Variants in KIF5B observed in about 807,000 individuals in gnomAD.
KIF5B encodes kinesin family member 5B, also known as kinesin-1 heavy chain.
Under a neutral mutation model 132.8 loss-of-function variants are expected in KIF5B, and 49 were observed. The observed-to-expected ratio is 0.37, with a 90% CI of 0.29 to 0.47. The LOEUF is 0.47. Among genes scored for constraint, KIF5B ranks in the 20% least tolerant of loss-of-function variants. The probability of loss-of-function intolerance (pLI) is 1.00; values close to 1 mark genes in which losing one functional copy is unlikely to be tolerated. For missense variants in KIF5B, 780 were observed against 1,144.0 expected, an observed-to-expected ratio of 0.68 and a Z score of 4.59; for synonymous variants, 355 against 369.4, an observed-to-expected ratio of 0.96 and a Z score of 0.45.
chr10:32,031,397 G>A, intron 13 of KIF5B, 118 bp from the exon 14 acceptor site: 1 of 735,198 alleles, frequency 1.4e-6, no homozygotes, highest in South Asian at 1.7e-5. Flanking sequence ...ATTCAGTGTG[G>A]CAACATTTAT....
intron 24 of KIF5B, among the ~76,000 whole-genome samples, chr10:32,016,493 CA>C (rs201482827): frequency 4.1e-4 from 62 of 151,650 alleles, no homozygotes; most frequent in Non-Finnish European, 7.5e-4. Context: ...AAATAAAACA[CA>C]AAAAAAACAC....
At chr10:32,052,597 T>C (rs1484581502) in intron 1 of KIF5B, among the ~76,000 whole-genome samples, 1 of 152,210 alleles carries the variant, frequency 6.6e-6, no homozygotes, top group Admixed American at 6.5e-5. Flanking sequence ...TTTTTCTTCC[T>C]GGTGTTTTTA....
At chr10:32,044,641 AGTC>A (rs1841586150) in intron 2 of KIF5B, among the ~76,000 whole-genome samples, 1 of 152,112 alleles carries the variant, frequency 6.6e-6, no homozygotes, top group Non-Finnish European at 1.5e-5. Flanking sequence ...GCGCCACTGC[AGTC>A]CAGCCTGGAC....
intron 24 of KIF5B, among the ~76,000 whole-genome samples, chr10:32,016,655 C>G (rs1039107015): frequency 6.6e-6 from 1 of 151,954 alleles, no homozygotes; most frequent in South Asian, 2.1e-4. Context: ...GATTCTCCTG[C>G]CTCAGCCTCC....
chr10:32,028,655 C>T (rs1841362643), intron 14 of KIF5B, 84 bp from the exon 15 acceptor site: 1 of 1,170,074 alleles, frequency 8.5e-7, no homozygotes, highest in Non-Finnish European at 1.2e-6. Context: ...TCAAGTTTTA[C>T]ACCAAGCCCT....
chr10:32,018,828 T>C (rs1841217674), intron 20 of KIF5B, among the ~76,000 whole-genome samples: 1 of 151,888 alleles, frequency 6.6e-6, no homozygotes, highest in Admixed American at 6.6e-5. Context: ...GTCTCCCAAA[T>C]AGCTGGGACT....
At chr10:32,036,854 G>T (rs1841466795) in intron 8 of KIF5B, among the ~76,000 whole-genome samples, 1 of 152,054 alleles carries the variant, frequency 6.6e-6, no homozygotes, top group African/African-American at 2.4e-5. Flanking sequence ...TAATCCAAAG[G>T]AAAGAAATAA....
chr10:32,031,077 TTC>T lies in KIF5B; in HGVS notation c.1575_1576del (p.Lys526IlefsTer10). ...GAAAATAAAACTATATCCTACCGATTTCTGATTCAATTCATCACTAAGCAATT... is the reference window on the plus strand; with the variant it reads ...GAAAATAAAACTATATCCTACCGATTTGATTCAATTCATCACTAAGCAATT... On this transcript the variant is annotated frameshift_variant, in exon 14 of 26. Coordinates refer to ENST00000302418, the MANE Select transcript of KIF5B (RefSeq NM_004521.3). LOFTEE classifies it high-confidence loss of function. 1 of 1,607,234 alleles carries T rather than the reference TTC, an allele frequency of 6.2e-7. No homozygotes were observed. The highest frequency in any genetic ancestry group is 8.5e-7 in the Non-Finnish European group (1 of 1,174,498).
chr10:32,051,542 C>T (rs970759474), intron 1 of KIF5B, among the ~76,000 whole-genome samples: 1 of 152,146 alleles, frequency 6.6e-6, no homozygotes, highest in Non-Finnish European at 1.5e-5. Flanking sequence ...ACCACTACAA[C>T]CTTACTAAAA....
chr10:32,043,734 T>C (rs1423652317), intron 2 of KIF5B, among the ~76,000 whole-genome samples: 4 of 150,950 alleles, frequency 2.6e-5, no homozygotes, highest in Non-Finnish European at 4.5e-5. Flanking sequence ...AATCTACAGA[T>C]AGGGAATGTT....
At chr10:32,045,649 G>A (rs2132612903) in intron 2 of KIF5B, among the ~76,000 whole-genome samples, 1 of 152,306 alleles carries the variant, frequency 6.6e-6, no homozygotes, top group South Asian at 2.1e-4. Flanking sequence ...AATGGGAAAA[G>A]GGATAGATTA....
At chr10:32,016,963 C>G (rs1841178659) in intron 24 of KIF5B, among the ~76,000 whole-genome samples, 180 bp downstream of exon 24, 1 of 152,146 alleles carries the variant, frequency 6.6e-6, no homozygotes, top group Non-Finnish European at 1.5e-5. Flanking sequence ...TTCTCTAGTT[C>G]TCATTTATCT....
At chr10:32,031,457 A>AT (rs1285507464) in intron 13 of KIF5B, among the ~76,000 whole-genome samples, 178 bp from the exon 14 acceptor site, 3 of 152,212 alleles carry the variant, frequency 2.0e-5, no homozygotes, top group African/African-American at 7.2e-5. Context: ...ACTGTGCTGG[A>AT]TGCTGCAAGG....
rs747055941 is a variant in KIF5B at position 32,042,471 on chromosome 10, G to GTTC, written c.215-2015_215-2014insGAA. On this transcript the variant is annotated intron_variant, in intron 2 of 25. Transcript: ENST00000302418. ...AAGTCTCATCCTATGTGTTCTTACAGTATCTGCATTTAATCATAACACTTA... is the reference window on the plus strand; with the variant it reads ...AAGTCTCATCCTATGTGTTCTTACAGTTCTATCTGCATTTAATCATAACACTTA... Among the ~76,000 whole-genome samples, 50 of 152,288 alleles carry GTTC rather than the reference G, an allele frequency of 3.3e-4. 1 individual carries two copies. Among genetic ancestry groups the GTTC allele is most frequent in the South Asian group, 6.2e-4 (3 of 4,824 alleles).
intron 15 of KIF5B, among the ~76,000 whole-genome samples, chr10:32,026,670 ACT>A (rs1841338695): frequency 6.6e-6 from 1 of 151,976 alleles, no homozygotes. Context: ...AACCATTTCC[ACT>A]CTCTCTTTAC....
At chr10:32,040,339 G>GT in intron 3 of KIF5B, 45 bp downstream of exon 3, 1 of 1,055,532 alleles carries the variant, frequency 9.5e-7, no homozygotes, top group Non-Finnish European at 1.5e-6. Flanking sequence ...AATGAATGCT[G>GT]TATGTATTGC....
chr10:32,050,121 A>C (rs1841672631), intron 1 of KIF5B, among the ~76,000 whole-genome samples: 1 of 152,174 alleles, frequency 6.6e-6, no homozygotes, highest in South Asian at 2.1e-4. Context: ...CAAAACAATC[A>C]TGACCCCAGA....
chr10:32,018,460 CAAAAT>C, intron 21 of KIF5B, 37 bp downstream of exon 21: 1 of 1,591,794 alleles, frequency 6.3e-7, no homozygotes, highest in Non-Finnish European at 8.5e-7. Flanking sequence ...AAAAAACCCA[CAAAAT>C]ATTTCCCAAT....
At chr10:32,025,985 T>C (rs1841328448) in intron 15 of KIF5B, among the ~76,000 whole-genome samples, 1 of 152,106 alleles carries the variant, frequency 6.6e-6, no homozygotes, top group Admixed American at 6.6e-5. Flanking sequence ...TAGAGGTGAA[T>C]AGCAAAAACA....
Sources: allele counts gnomAD v4.1 joint callset (sites outside exome capture counted in the v4.1 genomes callset), GRCh38; gene constraint gnomAD v4.1.1; transcripts MANE v1.5; gene names NCBI Gene and HGNC (gene_info 2026-07-23, HGNC 2026-07-21).